TCIRG1: variants seen among roughly 807,000 people sequenced by gnomAD.
TCIRG1 encodes V-type proton ATPase 116 kDa subunit a 3.
Under a neutral mutation model 95.5 loss-of-function variants are expected in TCIRG1, and 86 were observed. The ratio of observed to expected loss-of-function variants is 0.90; its 90% CI spans 0.76 to 1.08. The LOEUF is 1.08. TCIRG1 is among the 50% of genes least tolerant of loss of function. The pLI, the probability that TCIRG1 is intolerant of heterozygous loss-of-function variation, is 0.00. For missense variants in TCIRG1, 1,069 were observed against 1,140.2 expected, an observed-to-expected ratio of 0.94 and a Z score of 0.90; for synonymous variants, 499 against 501.3, an observed-to-expected ratio of 1.00 and a Z score of 0.06.
At chr11:68,048,020 T>TG in intron 13 of TCIRG1, 48 bp downstream of exon 13, 2 of 1,529,856 alleles carry the variant, frequency 1.3e-6, no homozygotes, top group Non-Finnish European at 1.8e-6. Context: ...CAGCTGGGAG[T>TG]GGGGGCTGGG....
chr11:68,044,675 C>T (rs1459421199), intron 9 of TCIRG1: 8 of 591,398 alleles, frequency 1.4e-5, no homozygotes, highest in South Asian at 4.0e-5. Flanking sequence ...GGGGGTCACC[C>T]GCCGCGCACA....
At chr11:68,041,166 C>G (rs1440564696) in intron 1 of TCIRG1, 102 bp from the exon 2 acceptor site, 2 of 828,274 alleles carry the variant, frequency 2.4e-6, no homozygotes, top group African/African-American at 1.7e-5. Context: ...GGGGTGGTAA[C>G]AGCAGCTTCC....
In TCIRG1 at chr11:68,041,767, G is replaced by A; in HGVS notation, c.132G>A (p.Val44=). 6.2e-7 allele frequency: 1 copy of A among 1,609,680 alleles called. No individual in the cohort carries two copies. The highest frequency in any genetic ancestry group is 8.5e-7 in the Non-Finnish European group (1 of 1,178,278). Residue 44 remains valine, a synonymous_variant, in exon 3 of 20, where the codon GTG becomes GTA. Coordinates refer to ENST00000265686, the MANE Select transcript of TCIRG1 (RefSeq NM_006019.4). The part of the protein sequence containing the change: ...LVEFRDLNAS[V]SAFQRRFVVD... The stretch of plus-strand genomic sequence containing the variant: ...GGCACCCACAGCTCAACGCCTCGGT[G>A]AGCGCCTTCCAGAGACGCTTTGTGG...
chr11:68,040,503 C>G (rs556283037), intron 1 of TCIRG1, among the ~76,000 whole-genome samples: 36 of 152,312 alleles, frequency 2.4e-4, no homozygotes, highest in Non-Finnish European at 3.5e-4. Flanking sequence ...CCTGACCAGG[C>G]CTGTCCCCTC....
In TCIRG1 at chr11:68,050,225, G is replaced by A. The variant is rs1432069667; in HGVS notation, c.2207G>A (p.Arg736His). Residue 736 changes from arginine to histidine, a missense_variant, in exon 18 of 20, where the codon CGC (arginine) becomes CAC (histidine). Physicochemically the swap from Arg to His is conservative, Grantham distance 29. Transcript: ENST00000265686. Reference sequence around the variant, plus strand: ...GTCTCCAACACCGCCTCCTACCTGCGCCTGTGGGCCCTGAGCCTGGCCCAC... The same window carrying A: ...GTCTCCAACACCGCCTCCTACCTGCACCTGTGGGCCCTGAGCCTGGCCCAC... ...GCVSNTASYL[R>H]LWALSLAHAQ... The A allele has an allele frequency of 3.7e-6, 6 of 1,613,360 alleles. No individual in the cohort carries two copies. Among genetic ancestry groups the A allele is most frequent in the African/African-American group, 1.3e-5 (1 of 75,036 alleles).
chr11:68,047,996 G>A (rs773376039), intron 13 of TCIRG1, 24 bp downstream of exon 13: 29 of 1,605,566 alleles, frequency 1.8e-5, no homozygotes, highest in South Asian at 1.1e-4. Context: ...TGGAGTGTCC[G>A]TGGGTGGTGA....
chr11:68,046,871 C>T (rs1005307407), intron 10 of TCIRG1: 1 of 456,292 alleles, frequency 2.2e-6, no homozygotes, highest in Non-Finnish European at 4.4e-6. Flanking sequence ...CCTGTGGCTC[C>T]AGCAGCTGGC....
At chr11:68,041,729 C>T (rs1268751556) in intron 2 of TCIRG1, 24 bp from the exon 3 acceptor site, 1 of 1,596,880 alleles carries the variant, frequency 6.3e-7, no homozygotes, top group Non-Finnish European at 8.5e-7. Context: ...CCGGGACACT[C>T]ACCCCTCCGT....
chr11:68,043,000 C>G lies in TCIRG1; in HGVS notation c.472C>G (p.Pro158Ala), dbSNP rs751546005. The G allele has an allele frequency of 4.5e-6, 7 of 1,552,614 alleles. No individual in the cohort carries two copies. Among genetic ancestry groups the G allele is most frequent in the Non-Finnish European group, 6.1e-6 (7 of 1,148,224 alleles). The change falls in exon 5 of 20, where the codon CCC (proline) becomes GCC (alanine). Residue 158 changes from proline (P) to alanine (A), a missense_variant. Pro to Ala is a conservative substitution (Grantham distance 27). Coordinates refer to ENST00000265686, the MANE Select transcript of TCIRG1 (RefSeq NM_006019.4). ...AGAGAGGACGCCCCTGCTCCAGGCC[C>G]CCGGGGGGCCGCACCAGGACCTGAG... ...ASERTPLLQAPGGPHQDLRVN... is the reference protein window; with the variant it reads ...ASERTPLLQAAGGPHQDLRVN...
In TCIRG1 at chr11:68,041,784, G is replaced by A. The variant is rs781157122; in HGVS notation, c.149G>A (p.Arg50His). ...LNASVSAFQR[R>H]FVVDVRRCEE... ...GCCTCGGTGAGCGCCTTCCAGAGAC[G>A]CTTTGTGGTTGATGTTCGGCGCTGT... is the stretch of plus-strand genomic sequence containing the variant. Residue 50 changes from arginine (R) to histidine (H), a missense_variant, in exon 3 of 20, where the codon CGC (arginine) becomes CAC (histidine). Transcript: ENST00000265686. 72 of 1,610,694 alleles carry A rather than the reference G, an allele frequency of 4.5e-5. No homozygotes were observed. The highest frequency in any genetic ancestry group is 1.7e-4 in the African/African-American group (13 of 74,868).
chr11:68,046,079 G>C (rs982711672), intron 10 of TCIRG1, among the ~76,000 whole-genome samples: 1 of 152,238 alleles, frequency 6.6e-6, no homozygotes, highest in Non-Finnish European at 1.5e-5. Flanking sequence ...GTGGCAGATA[G>C]AATGCTGCCA....
downstream of TCIRG1, among the ~76,000 whole-genome samples, chr11:68,051,282 G>C (rs1855789728): frequency 6.6e-6 from 1 of 152,158 alleles, no homozygotes; most frequent in Non-Finnish European, 1.5e-5. Context: ...CTCCATGCAG[G>C]GCCATGGTGT....
In TCIRG1 at chr11:68,049,988, C is replaced by T; in HGVS notation, c.2040C>T (p.Asp680=). The T allele has an allele frequency of 6.2e-7, 1 of 1,612,568 alleles. No individual in the cohort carries two copies. The highest frequency in any genetic ancestry group is 2.2e-5 in the East Asian group (1 of 44,876). ...AGGAAAACAAGGCCGGGTTGCTGGACCTGCCTGACGCATCTGTGAATGGCT... is the reference window on the plus strand; with the variant it reads ...AGGAAAACAAGGCCGGGTTGCTGGATCTGCCTGACGCATCTGTGAATGGCT... ...RQEENKAGLL[D]LPDASVNGWS... The change falls in exon 17 of 20, where the codon GAC becomes GAT. Residue 680 remains aspartate, a synonymous_variant. Coordinates refer to ENST00000265686, the MANE Select transcript of TCIRG1 (RefSeq NM_006019.4).
chr11:68,041,355 G>A lies in TCIRG1; in HGVS notation c.84G>A (p.Arg28=), dbSNP rs1477483057. The change falls in exon 2 of 20, where the codon CGG becomes CGA. Residue 28 remains arginine (R), a synonymous_variant. Coordinates refer to ENST00000265686, the MANE Select transcript of TCIRG1 (RefSeq NM_006019.4). ...CGGCTGCCTACACCTGCGTGAGTCG[G>A]CTGGGCGAGCTGGGCCTCGTGGAGT... ...PTAAAYTCVS[R]LGELGLVEFR... is the part of the protein sequence containing the mutation. 3.1e-6 allele frequency: 5 copies of A among 1,612,844 alleles called. No homozygotes were observed. Among genetic ancestry groups the A allele is most frequent in the Non-Finnish European group, 4.2e-6 (5 of 1,179,794 alleles).
At chr11:68,051,460 C>T (rs998247363), downstream of TCIRG1, among the ~76,000 whole-genome samples, 20 of 152,212 alleles carry the variant, frequency 1.3e-4, no homozygotes, top group Non-Finnish European at 2.6e-4. Context: ...GTCCTTCCTG[C>T]GTTGCTGGCA....
downstream of TCIRG1, among the ~76,000 whole-genome samples, chr11:68,051,626 T>G (rs1590820840): frequency 6.6e-6 from 1 of 152,244 alleles, no homozygotes. Flanking sequence ...CATTGGCTCC[T>G]GGACTGCTTT....
At chr11:68,042,062 C>A in intron 3 of TCIRG1, among the ~76,000 whole-genome samples, 1 of 152,092 alleles carries the variant, frequency 6.6e-6, no homozygotes, top group Non-Finnish European at 1.5e-5. Context: ...GCTGGGGAGG[C>A]CTCGAATACA....
In TCIRG1 at chr11:68,049,707, GC is replaced by G; in HGVS notation, c.1935del (p.Ile646SerfsTer41). ...TGGTGGTCCTGGCCTTGGCCATGGTGCCCATCCTGCTGCTTGGCACACCCCT... is the reference window on the plus strand; with the variant it reads ...TGGTGGTCCTGGCCTTGGCCATGGTGCCATCCTGCTGCTTGGCACACCCCT... ...TLVVLALAMV[P>X]ILLLGTPLHL... On this transcript the variant is annotated frameshift_variant, in exon 16 of 20. Coordinates refer to ENST00000265686, the MANE Select transcript of TCIRG1 (RefSeq NM_006019.4). LOFTEE classifies it high-confidence loss of function. The G allele has an allele frequency of 6.3e-7, 1 of 1,596,524 alleles. No homozygotes were observed. Among genetic ancestry groups the G allele is most frequent in the Admixed American group, 1.7e-5 (1 of 59,084 alleles).
chr11:68,042,580 G>A, intron 3 of TCIRG1, 63 bp from the exon 4 acceptor site: 1 of 1,361,986 alleles, frequency 7.3e-7, no homozygotes, highest in East Asian at 2.5e-5. Flanking sequence ...TGGGGCAGCA[G>A]GTGGGGCCCT....
Sources: gnomAD v4.1 joint callset for allele counts (sites outside exome capture counted in the v4.1 genomes callset) on GRCh38, gnomAD v4.1.1 for gene constraint, MANE v1.5 for transcripts, NCBI Gene and HGNC (gene_info 2026-07-23, HGNC 2026-07-21) for gene names.